The following OLIG2 variants were observed in gnomAD, a reference collection of about 807,000 sequenced individuals.
OLIG2 encodes the protein basic domain, helix-loop-helix protein, class B, 1.
Under a neutral mutation model 13.4 loss-of-function variants are expected in OLIG2, and 12 were observed. The observed-to-expected ratio is 0.90, with a 90% CI of 0.58 to 1.46. The LOEUF (loss-of-function observed/expected upper bound fraction) is 1.46. Among genes scored for constraint, OLIG2 ranks in the 40% most tolerant of loss-of-function variants. The pLI is 0.00. For missense variants in OLIG2, 415 were observed against 487.9 expected, an observed-to-expected ratio of 0.85 and a Z score of 1.41; for synonymous variants, 250 against 233.6, an observed-to-expected ratio of 1.07 and a Z score of -0.64.
Position 33,026,738 on chromosome 21 carries a change from C to CTG in OLIG2, c.-62-62_-62-61insGT. On this transcript the variant is annotated intron_variant, in intron 1 of 1. Coordinates refer to ENST00000382357, the MANE Select transcript of OLIG2 (RefSeq NM_005806.4). This position sits in a 1 kb window ranked among gnomAD's most constrained non-coding sequence, Gnocchi z 6.6. ...AGCTTTTCTGTCTCTCACTGACTCACTCTCTCTCTCTCTCCCTCTCTCTCT... is the reference window on the plus strand; with the variant it reads ...AGCTTTTCTGTCTCTCACTGACTCACTGTCTCTCTCTCTCTCCCTCTCTCTCT... The CTG allele has an allele frequency of 1.1e-6, 1 of 900,836 alleles. No individual in the cohort carries two copies. The highest frequency in any genetic ancestry group is 1.5e-6 in the Non-Finnish European group (1 of 665,510). 55.8% of individuals were successfully genotyped at this position (900,836 alleles called of 1,614,324 possible). A position where few individuals can be genotyped will look rare whatever the true frequency, so the allele number is the denominator to read the frequency against.
At position 33,028,876 on chromosome 21, in the gene OLIG2, G is replaced by C. The variant is rs992554079; in HGVS notation, c.*1042G>C. ...GCGCAATGCTAAGCTGTTTGCTCACGTGACTGCCAGCCCCATCGGAGTCTA... is the reference window on the plus strand; with the variant it reads ...GCGCAATGCTAAGCTGTTTGCTCACCTGACTGCCAGCCCCATCGGAGTCTA... On this transcript the variant is annotated 3_prime_UTR_variant, in exon 2 of 2. Coordinates refer to ENST00000382357, the MANE Select transcript of OLIG2 (RefSeq NM_005806.4). 1.2e-5 allele frequency: 3 copies of C among 242,068 alleles called. No homozygotes were observed. The highest frequency in any genetic ancestry group is 2.6e-5 in the Non-Finnish European group (3 of 114,406). The allele number at this position is 242,068 out of a possible 1,614,324, so 15.0% of individuals were successfully genotyped here.
Position 33,027,536 on chromosome 21 carries a change from C to A in OLIG2, c.674C>A (p.Ala225Asp). 6.8e-7 allele frequency: 1 copy of A among 1,473,672 alleles called. No individual in the cohort carries two copies. The highest frequency in any genetic ancestry group is 1.3e-5 in the South Asian group (1 of 78,298). 91.3% of individuals were successfully genotyped at this position (1,473,672 alleles called of 1,614,324 possible). A position where few individuals can be genotyped will look rare whatever the true frequency, so the allele number is the denominator to read the frequency against. Residue 225 changes from alanine to aspartate, a missense_variant, in exon 2 of 2, where the codon GCC (alanine) becomes GAC (aspartate). Coordinates refer to ENST00000382357, the MANE Select transcript of OLIG2 (RefSeq NM_005806.4). ...PAVHHPILPP[A>D]AAAAAAAAAA... Reference sequence around the variant, plus strand: ...GTGCACCACCCCATCCTGCCGCCCGCCGCCGCAGCGGCTGCTGCCGCCGCT... The same window carrying A: ...GTGCACCACCCCATCCTGCCGCCCGACGCCGCAGCGGCTGCTGCCGCCGCT...
chr21:33,027,556 G>A lies in OLIG2; in HGVS notation c.694G>A (p.Ala232Thr), dbSNP rs1237646037. ...LPPAAAAAAA[A>T]AAAAAVSSAS... Reference sequence around the variant, plus strand: ...GCCCGCCGCCGCAGCGGCTGCTGCCGCCGCTGCAGCCGCGGCTGTGTCCAG... The same window carrying A: ...GCCCGCCGCCGCAGCGGCTGCTGCCACCGCTGCAGCCGCGGCTGTGTCCAG... Residue 232 changes from alanine (A) to threonine (T), a missense_variant, in exon 2 of 2, where the codon GCC (alanine) becomes ACC (threonine). Coordinates refer to ENST00000382357, the MANE Select transcript of OLIG2 (RefSeq NM_005806.4). 1.4e-6 allele frequency: 2 copies of A among 1,475,124 alleles called. No homozygotes were observed. Among genetic ancestry groups the A allele is most frequent in the Admixed American group, 4.6e-5 (2 of 43,166 alleles). 91.4% of individuals were successfully genotyped at this position (1,475,124 alleles called of 1,614,324 possible). A position where few individuals can be genotyped will look rare whatever the true frequency, so the allele number is the denominator to read the frequency against.
In OLIG2 at chr21:33,026,855, C is replaced by CT; in HGVS notation, c.-7dup. On this transcript the variant is annotated 5_prime_UTR_variant, in exon 2 of 2. Coordinates refer to ENST00000382357, the MANE Select transcript of OLIG2 (RefSeq NM_005806.4). This position sits in a 1 kb window ranked among gnomAD's most constrained non-coding sequence, Gnocchi z 6.6. Reference sequence around the variant, plus strand: ...CGAAAGCTGCGACGACTATCTTCCCCTGGGGCCATGGACTCGGACGCCAGC... The same window carrying CT: ...CGAAAGCTGCGACGACTATCTTCCCCTTGGGGCCATGGACTCGGACGCCAGC... The CT allele has an allele frequency of 6.2e-7, 1 of 1,608,220 alleles. No homozygotes were observed. The highest frequency in any genetic ancestry group is 8.5e-7 in the Non-Finnish European group (1 of 1,179,830).
chr21:33,027,900 C>T lies in OLIG2; in HGVS notation c.*66C>T. The T allele has an allele frequency of 7.5e-7, 1 of 1,328,344 alleles. No individual in the cohort carries two copies. The highest frequency in any genetic ancestry group is 9.6e-7 in the Non-Finnish European group (1 of 1,039,564). The allele number at this position is 1,328,344 out of a possible 1,614,324, so 82.3% of individuals were successfully genotyped here. A position where few individuals can be genotyped will look rare whatever the true frequency, so the allele number is the denominator to read the frequency against. Reference sequence around the variant, plus strand: ...GGGCCGCGGGGAAGCGAGGACTGGCCTGCGCTGGGCTCGGGAGCTCTGTCG... The same window carrying T: ...GGGCCGCGGGGAAGCGAGGACTGGCTTGCGCTGGGCTCGGGAGCTCTGTCG... On this transcript the variant is annotated 3_prime_UTR_variant, in exon 2 of 2. Coordinates refer to ENST00000382357, the MANE Select transcript of OLIG2 (RefSeq NM_005806.4).
At position 33,027,718 on chromosome 21, in the gene OLIG2, C is replaced by G; in HGVS notation, c.856C>G (p.Gln286Glu). 7.3e-7 allele frequency: 1 copy of G among 1,367,678 alleles called. No homozygotes were observed. Among genetic ancestry groups the G allele is most frequent in the African/African-American group, 1.5e-5 (1 of 65,236 alleles). 84.7% of individuals were successfully genotyped at this position (1,367,678 alleles called of 1,614,324 possible). A position where few individuals can be genotyped will look rare whatever the true frequency, so the allele number is the denominator to read the frequency against. The change falls in exon 2 of 2, where the codon CAG becomes GAG. Residue 286 changes from glutamine to glutamate, a missense_variant. Gln to Glu is a conservative substitution (Grantham distance 29, BLOSUM62 2). Transcript: ENST00000382357. ...GGGSGASGGF[Q>E]HWGGMPCPCS... ...CGGCAGTGGGGCGAGCGGGGGCTTC[C>G]AGCACTGGGGCGGCATGCCCTGCCC...
Position 33,026,758 on chromosome 21 carries a change from C to G in OLIG2, c.-62-43C>G, listed in dbSNP as rs534254125. On this transcript the variant is annotated intron_variant, in intron 1 of 1. Coordinates refer to ENST00000382357, the MANE Select transcript of OLIG2 (RefSeq NM_005806.4). The surrounding 1 kb of genome is among the most constrained non-coding windows in gnomAD (Gnocchi z 6.6). ...ACTCACTCTCTCTCTCTCTCCCTCT[C>G]TCTCTCTCTCATTCTCTCTCTTTTC... 5 of 1,385,878 alleles carry G rather than the reference C, an allele frequency of 3.6e-6. No homozygotes were observed. Among genetic ancestry groups the G allele is most frequent in the African/African-American group, 2.9e-5 (2 of 69,788 alleles). The allele number at this position is 1,385,878 out of a possible 1,614,324, so 85.8% of individuals were successfully genotyped here.
In OLIG2 at chr21:33,027,687, G is replaced by A; in HGVS notation, c.825G>A (p.Gly275=). The A allele has an allele frequency of 7.3e-7, 1 of 1,371,340 alleles. No individual in the cohort carries two copies. The highest frequency in any genetic ancestry group is 9.3e-7 in the Non-Finnish European group (1 of 1,070,876). The allele number at this position is 1,371,340 out of a possible 1,614,324, so 84.9% of individuals were successfully genotyped here. A position where few individuals can be genotyped will look rare whatever the true frequency, so the allele number is the denominator to read the frequency against. ...SAAAAAPLGG[G]GGGSGASGGF... ...CCGCGGCCGCCCCGCTGGGGGGCGGGGGCGGCGGCAGTGGGGCGAGCGGGG... is the reference window on the plus strand; with the variant it reads ...CCGCGGCCGCCCCGCTGGGGGGCGGAGGCGGCGGCAGTGGGGCGAGCGGGG... Residue 275 remains glycine (G), a synonymous_variant, in exon 2 of 2, where the codon GGG becomes GGA. Coordinates refer to ENST00000382357, the MANE Select transcript of OLIG2 (RefSeq NM_005806.4).
At position 33,028,487 on chromosome 21, in the gene OLIG2, G is replaced by T. The variant is rs1981197335; in HGVS notation, c.*653G>T. 8.4e-6 allele frequency: 2 copies of T among 239,362 alleles called. No homozygotes were observed. The highest frequency in any genetic ancestry group is 1.8e-5 in the Non-Finnish European group (2 of 112,732). The allele number at this position is 239,362 out of a possible 1,614,324, so 14.8% of individuals were successfully genotyped here. On this transcript the variant is annotated 3_prime_UTR_variant, in exon 2 of 2. Coordinates refer to ENST00000382357, the MANE Select transcript of OLIG2 (RefSeq NM_005806.4). ...TCCACACCCTCTTAGAACTGTGGCC[G>T]TTCCTCCCTGTCTCTCGTTGATTTG...
chr21:33,026,710 A>C lies in OLIG2; in HGVS notation c.-62-91A>C. 4 of 962,002 alleles carry C rather than the reference A, an allele frequency of 4.2e-6. No individual in the cohort carries two copies. Among genetic ancestry groups the C allele is most frequent in the Non-Finnish European group, 6.0e-6 (4 of 664,728 alleles). 59.6% of individuals were successfully genotyped at this position (962,002 alleles called of 1,614,324 possible). ...GCTGTGGTACTGCGGTGCAGGCGGG[A>C]GCAGCTTTTCTGTCTCTCACTGACT... On this transcript the variant is annotated intron_variant, in intron 1 of 1. Transcript: ENST00000382357. The surrounding 1 kb of genome is among the most constrained non-coding windows in gnomAD (Gnocchi z 6.6).
chr21:33,028,005 G>A lies in OLIG2; in HGVS notation c.*171G>A. The A allele has an allele frequency of 4.4e-6, 3 of 676,858 alleles. No homozygotes were observed. The highest frequency in any genetic ancestry group is 6.8e-6 in the Non-Finnish European group (3 of 443,014). The allele number at this position is 676,858 out of a possible 1,614,324, so 41.9% of individuals were successfully genotyped here. On this transcript the variant is annotated 3_prime_UTR_variant, in exon 2 of 2. Coordinates refer to ENST00000382357, the MANE Select transcript of OLIG2 (RefSeq NM_005806.4). ...ATCTGCGAACCCAAGCAATGGGGGC[G>A]CCCACAGAGCAGTGGGGAGTGAGGG... is the stretch of plus-strand genomic sequence containing the variant.
At position 33,027,826 on chromosome 21, in the gene OLIG2, G is replaced by A; in HGVS notation, c.964G>A (p.Ala322Thr). 7.1e-7 allele frequency: 1 copy of A among 1,404,658 alleles called. No homozygotes were observed. Among genetic ancestry groups the A allele is most frequent in the South Asian group, 1.5e-5 (1 of 66,646 alleles). The allele number at this position is 1,404,658 out of a possible 1,614,324, so 87.0% of individuals were successfully genotyped here. ...CAGCCTGCCGCGCCTCACCTCCGAC[G>A]CCAAGTGAGCCGACTGGCGCCGGCG... Reference protein sequence around the residue: ...AGSLPRLTSDAK With the variant: ...AGSLPRLTSDTK Residue 322 changes from alanine to threonine, a missense_variant, in exon 2 of 2, where the codon GCC becomes ACC. Physicochemically the swap from Ala to Thr is moderately conservative, Grantham distance 58 (BLOSUM62 0). Around this residue, in one of 3 missense-constraint regions of OLIG2, gnomAD observed 243 missense variants for 241.2 expected, o/e 1.01. Coordinates refer to ENST00000382357, the MANE Select transcript of OLIG2 (RefSeq NM_005806.4).
Position 33,028,883 on chromosome 21 carries a change from C to A in OLIG2, c.*1049C>A, listed in dbSNP as rs1317303084. The A allele has an allele frequency of 4.1e-6, 1 of 242,074 alleles. No individual in the cohort carries two copies. 15.0% of individuals were successfully genotyped at this position (242,074 alleles called of 1,614,324 possible). A position where few individuals can be genotyped will look rare whatever the true frequency, so the allele number is the denominator to read the frequency against. On this transcript the variant is annotated 3_prime_UTR_variant, in exon 2 of 2. Coordinates refer to ENST00000382357, the MANE Select transcript of OLIG2 (RefSeq NM_005806.4). ...GCTAAGCTGTTTGCTCACGTGACTG[C>A]CAGCCCCATCGGAGTCTAAGCCGGC... is the stretch of plus-strand genomic sequence containing the variant.
Position 33,028,267 on chromosome 21 carries a change from A to C in OLIG2, c.*433A>C. On this transcript the variant is annotated 3_prime_UTR_variant, in exon 2 of 2. Transcript: ENST00000382357. ...GGAGGGGGTGTTATGGGAGGGGGAC[A>C]CATTGGGGCCTTGCTCCTCTTCCTC... 4.1e-6 allele frequency: 1 copy of C among 244,202 alleles called. No individual in the cohort carries two copies. The highest frequency in any genetic ancestry group is 8.5e-6 in the Non-Finnish European group (1 of 117,822). The allele number at this position is 244,202 out of a possible 1,614,324, so 15.1% of individuals were successfully genotyped here.
In OLIG2 at chr21:33,027,677, T is replaced by TG. The variant is rs1568809433; in HGVS notation, c.821dup (p.Gly275ArgfsTer165). On this transcript the variant is annotated frameshift_variant, in exon 2 of 2. Transcript: ENST00000382357. LOFTEE classifies it high-confidence loss of function. ...CCGTCTGCTGCCGCGGCCGCCCCGC[T>TG]GGGGGGCGGGGGCGGCGGCAGTGGG... 3.6e-6 allele frequency: 5 copies of TG among 1,378,052 alleles called. No homozygotes were observed. In the South Asian group the frequency reaches 6.6e-5, roughly 18 times the overall value. The allele number at this position is 1,378,052 out of a possible 1,614,324, so 85.4% of individuals were successfully genotyped here.
chr21:33,026,739 TCTCTCTCTCTCTCC>T lies in OLIG2; in HGVS notation c.-62-48_-62-35del, dbSNP rs1270486447. 4.7e-5 allele frequency: 45 copies of T among 965,176 alleles called. No homozygotes were observed. The African/African-American group carries it at 6.8e-4, about 15-fold the overall frequency. The allele number at this position is 965,176 out of a possible 1,614,324, so 59.8% of individuals were successfully genotyped here. On this transcript the variant is annotated intron_variant, in intron 1 of 1. Transcript: ENST00000382357. This position sits in a 1 kb window ranked among gnomAD's most constrained non-coding sequence, Gnocchi z 6.6. ...GCTTTTCTGTCTCTCACTGACTCAC[TCTCTCTCTCTCTCC>T]CTCTCTCTCTCTCTCATTCTCTCTC...
rs760143457 is a variant in OLIG2 at position 33,026,965 on chromosome 21, A to G, written c.103A>G (p.Thr35Ala). ...RSKGSSGSAF[T>A]GGTVSSSTPS... ...TAAGGGCAGCAGCGGCAGCGCCTTC[A>G]CTGGGGGCACCGTGTCCTCGTCCAC... Residue 35 changes from threonine (T) to alanine (A), a missense_variant, in exon 2 of 2, where the codon ACT (threonine) becomes GCT (alanine). Physicochemically the swap from Thr to Ala is moderately conservative, Grantham distance 58. Around this residue, in one of 3 missense-constraint regions of OLIG2, gnomAD observed 122 missense variants for 126.8 expected, o/e 0.96. Transcript: ENST00000382357. This position sits in a 1 kb window ranked among gnomAD's most constrained non-coding sequence, Gnocchi z 6.6. 6.2e-7 allele frequency: 1 copy of G among 1,612,430 alleles called. No individual in the cohort carries two copies. Among genetic ancestry groups the G allele is most frequent in the Non-Finnish European group, 8.5e-7 (1 of 1,179,818 alleles).
chr21:33,026,929 C>T lies in OLIG2; in HGVS notation c.67C>T (p.Pro23Ser), dbSNP rs142590579. ...GCCAGAGCCCGATGACCTTTTTCTG[C>T]CGGCCCGGAGTAAGGGCAGCAGCGG... ...SSPEPDDLFL[P>S]ARSKGSSGSA... The change falls in exon 2 of 2, where the codon CCG becomes TCG. Residue 23 changes from proline (P) to serine (S), a missense_variant. By Grantham distance (74) the Pro-to-Ser change is moderately conservative. This residue lies in a region of OLIG2 where 122 missense variants were observed against 126.8 expected (regional missense o/e 0.96). Coordinates refer to ENST00000382357, the MANE Select transcript of OLIG2 (RefSeq NM_005806.4). The surrounding 1 kb of genome is among the most constrained non-coding windows in gnomAD (Gnocchi z 6.6). 3 of 1,612,292 alleles carry T rather than the reference C, an allele frequency of 1.9e-6. No homozygotes were observed. Among genetic ancestry groups the T allele is most frequent in the Non-Finnish European group, 2.5e-6 (3 of 1,179,974 alleles).
At position 33,026,818 on chromosome 21, in the gene OLIG2, AGGAGG is replaced by A. The variant is rs1235455673; in HGVS notation, c.-44_-40del. 1 of 1,596,854 alleles carries A rather than the reference AGGAGG, an allele frequency of 6.3e-7. No homozygotes were observed. Among genetic ancestry groups the A allele is most frequent in the South Asian group, 1.1e-5 (1 of 90,584 alleles). ...CCTGGAAGTTTTCGGGTCCGAGGGAAGGAGGACCCTGCGAAAGCTGCGACGACTAT... is the reference window on the plus strand; with the variant it reads ...CCTGGAAGTTTTCGGGTCCGAGGGAAACCCTGCGAAAGCTGCGACGACTAT... On this transcript the variant is annotated 5_prime_UTR_variant, in exon 2 of 2. Coordinates refer to ENST00000382357, the MANE Select transcript of OLIG2 (RefSeq NM_005806.4). The surrounding 1 kb of genome is among the most constrained non-coding windows in gnomAD (Gnocchi z 6.6).
Sources: gnomAD v4.1 joint callset for allele counts on GRCh38, gnomAD v4.1.1 for gene constraint, gnomAD v4.1.1 regional missense constraint, Gnocchi (gnomAD v3.1) non-coding constraint, MANE v1.5 for transcripts, NCBI Gene and HGNC (gene_info 2026-07-23, HGNC 2026-07-21) for gene names.